Variants in TGFB2 observed in about 807,000 individuals in gnomAD.
TGFB2 encodes transforming growth factor beta-2 proprotein.
A neutral mutation model predicts 42.7 loss-of-function variants in TGFB2; 13 were observed. The ratio of observed to expected loss-of-function variants is 0.30; its 90% CI spans 0.20 to 0.48. The LOEUF is 0.48. Ranked by LOEUF, TGFB2 falls within the 20% of genes least tolerant of loss-of-function variation. The probability of loss-of-function intolerance (pLI) is 0.99; values close to 1 mark genes in which losing one functional copy is unlikely to be tolerated. For synonymous variants in TGFB2, 193 were observed against 193.6 expected (o/e 1.00, Z 0.03); for missense variants, 390 against 517.5 (o/e 0.75, Z 2.39).
chr1:218,422,311 A>G (rs1272557811), intron 2 of TGFB2, among the ~76,000 whole-genome samples: 1 of 151,604 alleles, frequency 6.6e-6, no homozygotes, highest in Non-Finnish European at 1.5e-5. Context: ...TCAACCTCCC[A>G]GGCTCAACAG....
intron 2 of TGFB2, among the ~76,000 whole-genome samples, chr1:218,427,389 G>T (rs1382582283): frequency 2.0e-5 from 3 of 151,686 alleles, no homozygotes; most frequent in Admixed American, 2.0e-4. Flanking sequence ...CAATGTGCAG[G>T]TTTGTTACAT....
intron 1 of TGFB2, among the ~76,000 whole-genome samples, chr1:218,385,502 G>A (rs974174021): frequency 6.6e-6 from 1 of 152,204 alleles, no homozygotes; most frequent in African/African-American, 2.4e-5. Context: ...GGCCATCCTT[G>A]GTGTATAAGC....
intron 2 of TGFB2, among the ~76,000 whole-genome samples, chr1:218,407,977 A>G (rs542570572): frequency 6.6e-6 from 1 of 152,332 alleles, no homozygotes; most frequent in African/African-American, 2.4e-5. Flanking sequence ...TTAAACAAAC[A>G]AACAAAAAAC....
chr1:218,363,225 T>G (rs1279355417), intron 1 of TGFB2: 1 of 924,072 alleles, frequency 1.1e-6, no homozygotes, highest in Non-Finnish European at 1.7e-6. Flanking sequence ...TCTGGGGAAA[T>G]GATAAGAACA....
In TGFB2 at chr1:218,441,962, G is replaced by GA. The variant is rs1293212912; in HGVS notation, c.*607dup. ...AAGGAACTTGAACTCAAACGAGCCAGAAAAAAAGAGGTCATATTAATGGGA... is the reference window on the plus strand; with the variant it reads ...AAGGAACTTGAACTCAAACGAGCCAGAAAAAAAAGAGGTCATATTAATGGGA... On this transcript the variant is annotated 3_prime_UTR_variant, in exon 7 of 7. Transcript: ENST00000366930. The GA allele has an allele frequency of 2.0e-5, 3 of 152,014 alleles. No homozygotes were observed. Among genetic ancestry groups the GA allele is most frequent in the East Asian group, 3.9e-4 (2 of 5,172 alleles). 9.4% of individuals were successfully genotyped at this position (152,014 alleles called of 1,614,324 possible).
intron 2 of TGFB2, among the ~76,000 whole-genome samples, chr1:218,407,564 G>C (rs182663676): frequency 1.3e-5 from 2 of 152,336 alleles, no homozygotes; most frequent in Non-Finnish European, 2.9e-5. Context: ...CAGACACTAT[G>C]CTGAGCAAAG....
intron 1 of TGFB2, among the ~76,000 whole-genome samples, chr1:218,366,712 G>A (rs1266196554): frequency 6.6e-6 from 1 of 152,204 alleles, no homozygotes; most frequent in Non-Finnish European, 1.5e-5. Context: ...GAATCACTGG[G>A]GTGGGTGGAG....
intron 1 of TGFB2, among the ~76,000 whole-genome samples, chr1:218,376,333 T>G (rs749242270): frequency 6.6e-6 from 1 of 152,230 alleles, no homozygotes; most frequent in Non-Finnish European, 1.5e-5. Flanking sequence ...CCTCAATTCC[T>G]TGTCATTTCA....
rs937215055 is a variant in TGFB2, at chr1:218,443,165, G to C, written c.*1803G>C. 3.9e-5 allele frequency: 6 copies of C among 152,216 alleles called. No individual in the cohort carries two copies. Among genetic ancestry groups the C allele is most frequent in the African/African-American group, 1.4e-4 (6 of 41,458 alleles). 9.4% of individuals were successfully genotyped at this position (152,216 alleles called of 1,614,324 possible). On this transcript the variant is annotated 3_prime_UTR_variant, in exon 7 of 7. Transcript: ENST00000366930. ...GATCAAAAAATTCTTTCTTTCCTCT[G>C]AGTGAGAGTTATCTATATCTGAGGC...
chr1:218,418,411 G>A (rs1659349158), intron 2 of TGFB2, among the ~76,000 whole-genome samples: 1 of 152,196 alleles, frequency 6.6e-6, no homozygotes, highest in South Asian at 2.1e-4. Flanking sequence ...TTTACCCAAT[G>A]CCTGTACCCC....
chr1:218,429,260 C>T (rs1054731026), intron 2 of TGFB2, among the ~76,000 whole-genome samples: 3 of 152,184 alleles, frequency 2.0e-5, no homozygotes, highest in Non-Finnish European at 4.4e-5. Context: ...GGATTACAGG[C>T]GTGAGCCACT....
chr1:218,394,153 C>A (rs1393374562), intron 1 of TGFB2, among the ~76,000 whole-genome samples: 1 of 152,154 alleles, frequency 6.6e-6, no homozygotes, highest in East Asian at 1.9e-4. Flanking sequence ...TCGTGATCCG[C>A]CCGCCTCGGC....
chr1:218,440,841 C>T (rs1196294358), intron 6 of TGFB2, among the ~76,000 whole-genome samples: 2 of 152,078 alleles, frequency 1.3e-5, no homozygotes, highest in Non-Finnish European at 2.9e-5. Flanking sequence ...AGACCAAATG[C>T]TATAAGGATC....
chr1:218,394,188 C>T (rs1050023713), intron 1 of TGFB2, among the ~76,000 whole-genome samples: 7 of 152,152 alleles, frequency 4.6e-5, no homozygotes, highest in Non-Finnish European at 7.3e-5. Context: ...GGATTATAGG[C>T]GTAAGCCACC....
chr1:218,346,546 G>C lies in TGFB2; in HGVS notation c.-156G>C. 1.6e-6 allele frequency: 1 copy of C among 610,236 alleles called. No homozygotes were observed. Among genetic ancestry groups the C allele is most frequent in the South Asian group, 2.4e-5 (1 of 42,196 alleles). The allele number at this position is 610,236 out of a possible 1,614,324, so 37.8% of individuals were successfully genotyped here. On this transcript the variant is annotated 5_prime_UTR_variant, in exon 1 of 7. Coordinates refer to ENST00000366930, the MANE Select transcript of TGFB2 (RefSeq NM_003238.6). The surrounding 1 kb of genome is among the most constrained non-coding windows in gnomAD (Gnocchi z 4.9). ...GAATTCAAGCAGGATACGTTTTTCT[G>C]TTGGGCATTGACTAGATTGTTTGCA...
intron 5 of TGFB2, among the ~76,000 whole-genome samples, chr1:218,436,923 G>A (rs941513783): frequency 6.6e-6 from 1 of 152,188 alleles, no homozygotes; most frequent in Non-Finnish European, 1.5e-5. Context: ...GCCTTAGATG[G>A]TTGTTTGAAA....
chr1:218,440,036 G>A (rs1362253659), intron 6 of TGFB2, among the ~76,000 whole-genome samples: 2 of 152,132 alleles, frequency 1.3e-5, no homozygotes, highest in Non-Finnish European at 2.9e-5. Flanking sequence ...ATCATCAGTG[G>A]GGAACCTACA....
chr1:218,350,363 A>G (rs1656831782), intron 1 of TGFB2, among the ~76,000 whole-genome samples: 1 of 152,106 alleles, frequency 6.6e-6, no homozygotes, highest in African/African-American at 2.4e-5. Flanking sequence ...TTGGGTTGTC[A>G]TGACTGGAGG....
At chr1:218,402,945 C>T (rs892647998) in intron 1 of TGFB2, among the ~76,000 whole-genome samples, 3 of 152,200 alleles carry the variant, frequency 2.0e-5, no homozygotes, top group Non-Finnish European at 4.4e-5. Flanking sequence ...CTGTTTTCAG[C>T]TGAGCTGGTC....
Sources: gnomAD v4.1 joint callset for allele counts (sites outside exome capture counted in the v4.1 genomes callset) on GRCh38, gnomAD v4.1.1 for gene constraint, Gnocchi (gnomAD v3.1) non-coding constraint, MANE v1.5 for transcripts, NCBI Gene and HGNC (gene_info 2026-07-23, HGNC 2026-07-21) for gene names.